HCRTR2: variants seen among roughly 807,000 people sequenced by gnomAD.
HCRTR2 encodes the protein hypocretin receptor 2, also known as orexin receptor type 2.
Under a neutral mutation model 49.0 loss-of-function variants are expected in HCRTR2, and 22 were observed. The observed-to-expected ratio is 0.45, with a 90% CI of 0.32 to 0.64. The LOEUF (loss-of-function observed/expected upper bound fraction) is 0.64. Among genes scored for constraint, HCRTR2 ranks in the 30% least tolerant of loss-of-function variants. The pLI is 0.04. For synonymous variants in HCRTR2, 236 were observed against 205.3 expected, an observed-to-expected ratio of 1.15 and a Z score of -1.28; for missense variants, 491 against 559.4, an observed-to-expected ratio of 0.88 and a Z score of 1.23.
chr6:55,277,614 GT>G lies in HCRTR2; in HGVS notation c.983+16del, dbSNP rs773695874. 5.2e-6 allele frequency: 8 copies of G among 1,547,538 alleles called. No individual in the cohort carries two copies. The highest frequency in any genetic ancestry group is 7.1e-6 in the Non-Finnish European group (8 of 1,121,590). ...TGTGCTAAAGAGGTAAAACTTATCT[GT>G]TATTTGAAAATGAAATAGCCTGCCT... On this transcript the variant is annotated intron_variant, in intron 5 of 6. Coordinates refer to ENST00000370862, the MANE Select transcript of HCRTR2 (RefSeq NM_001384272.1).
intron 1 of HCRTR2, among the ~76,000 whole-genome samples, chr6:55,202,551 G>A (rs886726312): frequency 1.3e-5 from 2 of 152,122 alleles, no homozygotes; most frequent in Admixed American, 6.5e-5. Flanking sequence ...GTCCAAGATC[G>A]AATTTTATGT....
At chr6:55,280,975 G>A (rs73743696) in intron 6 of HCRTR2, among the ~76,000 whole-genome samples, 4,312 of 152,096 alleles carry the variant, frequency 0.028, 88 homozygotes, top group Middle Eastern at 0.075. Context: ...ATACATATAT[G>A]TGTAACTTAT....
At chr6:55,162,398 G>C (rs990927553) in intron 1 of HCRTR2, among the ~76,000 whole-genome samples, 1 of 152,210 alleles carries the variant, frequency 6.6e-6, no homozygotes, top group African/African-American at 2.4e-5. Flanking sequence ...ATGGGCAAAA[G>C]CTGGAAGCAT....
At position 55,160,836 on chromosome 6, in the gene HCRTR2, A is replaced by T. The variant is rs918698391; in HGVS notation, c.-377-13375A>T. On this transcript the variant is annotated intron_variant, in intron 1 of 7. Transcript: ENST00000615358. ...TCAGGAGCACACAAATTCATCAAGCAAGTTCTTAGAGACCTATAGAGACTT... is the reference window on the plus strand; with the variant it reads ...TCAGGAGCACACAAATTCATCAAGCTAGTTCTTAGAGACCTATAGAGACTT... Among the ~76,000 whole-genome samples the T allele has an allele frequency of 7.9e-5, 12 of 152,170 alleles. No individual in the cohort carries two copies. In the South Asian group the frequency reaches 2.5e-3, roughly 32 times the overall value.
intron 1 of HCRTR2, among the ~76,000 whole-genome samples, chr6:55,240,201 C>CA (rs898381154): frequency 2.6e-5 from 4 of 151,082 alleles, no homozygotes; most frequent in African/African-American, 7.3e-5. Flanking sequence ...ACTAAAAATA[C>CA]AAAAAAATTA....
At chr6:55,159,250 G>A (rs1375938821) in intron 1 of HCRTR2, among the ~76,000 whole-genome samples, 1 of 147,020 alleles carries the variant, frequency 6.8e-6, no homozygotes, top group Non-Finnish European at 1.5e-5. Context: ...AAACAGAAAG[G>A]AATAGCATCA....
intron 1 of HCRTR2, among the ~76,000 whole-genome samples, chr6:55,129,776 C>T (rs1764329212): frequency 6.6e-6 from 1 of 151,956 alleles, no homozygotes; most frequent in African/African-American, 2.4e-5. Context: ...CTATAAAATA[C>T]AAATCTGATC....
intron 1 of HCRTR2, among the ~76,000 whole-genome samples, chr6:55,217,768 CTCTA>C (rs1046327039): frequency 2.6e-5 from 4 of 152,182 alleles, no homozygotes; most frequent in African/African-American, 9.6e-5. Context: ...ACCCTTAACA[CTCTA>C]TTTACAGCAA....
intron 6 of HCRTR2, 53 bp downstream of exon 6, chr6:55,280,497 A>G: frequency 6.2e-7 from 1 of 1,606,086 alleles, no homozygotes; most frequent in Middle Eastern, 1.7e-4. Context: ...AGGATGAGGA[A>G]TCAATGAACA....
rs899801324 is a variant in HCRTR2 at position 55,255,376 on chromosome 6, G to C, written c.643G>C (p.Gly215Arg). The C allele has an allele frequency of 6.2e-7, 1 of 1,613,832 alleles. No homozygotes were observed. Among genetic ancestry groups the C allele is most frequent in the African/African-American group, 1.3e-5 (1 of 74,882 alleles). ...CTTTACGGTGTGTGATGAGCGCTGG[G>C]GTGGTAAGTACCTTATGGCCCATCA... ...TLFTVCDERW[G>R]GEIYPKMYHI... The change falls in exon 3 of 7, where the codon GGT (glycine) becomes CGT (arginine). Residue 215 changes from glycine (G) to arginine (R), a missense_variant. Coordinates refer to ENST00000370862, the MANE Select transcript of HCRTR2 (RefSeq NM_001384272.1).
intron 1 of HCRTR2, among the ~76,000 whole-genome samples, chr6:55,143,762 C>G (rs6901139): frequency 6.6e-6 from 1 of 151,928 alleles, no homozygotes; most frequent in African/African-American, 2.4e-5. Flanking sequence ...AGGCATACTG[C>G]GGGGTTAGCA....
intron 4 of HCRTR2, among the ~76,000 whole-genome samples, chr6:55,274,222 A>G (rs1375704169): frequency 1.1e-5 from 1 of 91,486 alleles, no homozygotes; most frequent in Non-Finnish European, 2.3e-5. Flanking sequence ...TCTCTCTGCA[A>G]TGTTTCATCA....
intron 1 of HCRTR2, among the ~76,000 whole-genome samples, chr6:55,188,609 T>C (rs544892661): frequency 6.6e-6 from 1 of 152,340 alleles, no homozygotes; most frequent in South Asian, 2.1e-4. Context: ...CTATTTCCTT[T>C]TCTTATTTCA....
intron 1 of HCRTR2, among the ~76,000 whole-genome samples, chr6:55,121,813 A>T (rs1764204227): frequency 6.6e-6 from 1 of 152,168 alleles, no homozygotes; most frequent in Non-Finnish European, 1.5e-5. Flanking sequence ...GATGAAGCCC[A>T]CTTGATCATG....
At chr6:55,234,726 T>A (rs906898641) in intron 1 of HCRTR2, among the ~76,000 whole-genome samples, 1 of 152,124 alleles carries the variant, frequency 6.6e-6, no homozygotes, top group African/African-American at 2.4e-5. Flanking sequence ...GCTAGGACAC[T>A]CATACCAGCT....
chr6:55,224,260 A>G (rs1175413055), intron 1 of HCRTR2, among the ~76,000 whole-genome samples: 1 of 152,212 alleles, frequency 6.6e-6, no homozygotes, highest in Non-Finnish European at 1.5e-5. Context: ...TTTCGTATTC[A>G]TTGCAGCTTT....
intron 2 of HCRTR2, among the ~76,000 whole-genome samples, chr6:55,250,793 T>C (rs1766534468): frequency 6.6e-6 from 1 of 152,176 alleles, no homozygotes; most frequent in Non-Finnish European, 1.5e-5. Flanking sequence ...CTGGAAGGAT[T>C]CTGTCTGCCT....
chr6:55,270,488 T>C (rs1214524783), intron 4 of HCRTR2, among the ~76,000 whole-genome samples: 1 of 152,172 alleles, frequency 6.6e-6, no homozygotes, highest in East Asian at 1.9e-4. Context: ...TCACATGTAG[T>C]ACAGGTTAAG....
chr6:55,221,360 C>A (rs1344916123), intron 1 of HCRTR2, among the ~76,000 whole-genome samples: 1 of 152,038 alleles, frequency 6.6e-6, no homozygotes, highest in Non-Finnish European at 1.5e-5. Flanking sequence ...CATAGCGAGC[C>A]CAGAAATAAG....
Sources: gnomAD v4.1 joint callset for allele counts (sites outside exome capture counted in the v4.1 genomes callset) on GRCh38, gnomAD v4.1.1 for gene constraint, MANE v1.5 for transcripts, NCBI Gene and HGNC (gene_info 2026-07-23, HGNC 2026-07-21) for gene names.